Variants in FLG observed in about 807,000 individuals in gnomAD.
FLG encodes the protein filaggrin, also known as epidermal filaggrin.
Under a neutral mutation model 3.8 loss-of-function variants are expected in FLG, and 6 were observed. That is an observed-to-expected ratio of 1.60 (90% CI 0.87 to 3.15). The LOEUF is 3.15. FLG is among the 30% of genes most tolerant of loss of function. The pLI is 0.00. For synonymous variants in FLG, 2,551 were observed against 1,931.6 expected (o/e 1.32, Z -8.41); for missense variants, 7,595 against 5,050.9 (o/e 1.50, Z -15.27).
chr1:152,304,393 C>T lies in FLG; in HGVS notation c.10493G>A (p.Gly3498Asp). 1 of 1,611,840 alleles carries T rather than the reference C, an allele frequency of 6.2e-7. No homozygotes were observed. The highest frequency in any genetic ancestry group is 1.1e-5 in the South Asian group (1 of 90,506). The change falls in exon 3 of 3, where the codon GGC becomes GAC. Residue 3498 changes from glycine to aspartate, a missense_variant. By Grantham distance (94) the Gly-to-Asp change is moderately conservative. Coordinates refer to ENST00000368799, the MANE Select transcript of FLG (RefSeq NM_002016.2). ...QTRNDEQSGD[G>D]SRHSWSHHHE... ...GTGATGCGACCATGAGTGCCTGGAGCCATCTCCTGATTGTTCGTCATTACG... is the reference window on the plus strand; with the variant it reads ...GTGATGCGACCATGAGTGCCTGGAGTCATCTCCTGATTGTTCGTCATTACG...
chr1:152,321,791 A>G (rs1448025651), intron 1 of FLG, among the ~76,000 whole-genome samples: 1 of 151,256 alleles, frequency 6.6e-6, no homozygotes, highest in Non-Finnish European at 1.5e-5. Flanking sequence ...GAAAAACAGG[A>G]AACACCCATT....
At position 152,310,970 on chromosome 1, in the gene FLG, A is replaced by G. The variant is rs760718534; in HGVS notation, c.3916T>C (p.Ser1306Pro). 3 of 1,613,410 alleles carry G rather than the reference A, an allele frequency of 1.9e-6. No individual in the cohort carries two copies. Among genetic ancestry groups the G allele is most frequent in the Non-Finnish European group, 2.5e-6 (3 of 1,179,904 alleles). The change falls in exon 3 of 3, where the codon TCC (serine) becomes CCC (proline). Residue 1306 changes from serine to proline, a missense_variant. Physicochemically the swap from Ser to Pro is moderately conservative, Grantham distance 74 (BLOSUM62 -1). Coordinates refer to ENST00000368799, the MANE Select transcript of FLG (RefSeq NM_002016.2). The stretch of plus-strand genomic sequence containing the variant: ...TCTTGATGGAACCCAGGGTGTCTGG[A>G]GCCATCTCTTGACTGCTCCCGAGAA... Reference protein sequence around the residue: ...GSSREQSRDGSRHPGFHQEDR... With the variant: ...GSSREQSRDGPRHPGFHQEDR...
intron 1 of FLG, among the ~76,000 whole-genome samples, chr1:152,322,498 T>C (rs1653013056): frequency 6.6e-6 from 1 of 151,050 alleles, no homozygotes. Flanking sequence ...TAAGAAAAGA[T>C]GCTATTTACA....
At chr1:152,323,041 T>G (rs1265725077) in intron 1 of FLG, among the ~76,000 whole-genome samples, 1 of 151,530 alleles carries the variant, frequency 6.6e-6, no homozygotes, top group South Asian at 2.1e-4. Flanking sequence ...GATAATAGTA[T>G]AAAGTCAGTC....
At position 152,311,994 on chromosome 1, in the gene FLG, C is replaced by A. The variant is rs181646224; in HGVS notation, c.2892G>T (p.Gly964=). Reference sequence around the variant, plus strand: ...ATCCACGATGGTTTCTGGAAGCAGACCCAGACCACCTCTCAGAGTCTTCTG... The same window carrying A: ...ATCCACGATGGTTTCTGGAAGCAGAACCAGACCACCTCTCAGAGTCTTCTG... The part of the protein sequence containing the change: ...GHSEDSERWS[G]SASRNHRGSA... Residue 964 remains glycine, a synonymous_variant, in exon 3 of 3, where the codon GGG becomes GGT. Transcript: ENST00000368799. The A allele has an allele frequency of 6.9e-5, 112 of 1,614,074 alleles. No individual in the cohort carries two copies. The highest frequency in any genetic ancestry group is 9.0e-5 in the Non-Finnish European group (106 of 1,180,008).
Position 152,307,559 on chromosome 1 carries a change from G to C in FLG, c.7327C>G (p.His2443Asp). Residue 2443 changes from histidine (H) to aspartate (D), a missense_variant, in exon 3 of 3, where the codon CAC (histidine) becomes GAC (aspartate). Transcript: ENST00000368799. ...CTGGAGCTGTCTCGTGCCTGCTTGT[G>C]GTGGGATCCTTGTCTTCCTCCAGTG... ...TSTGGRQGSH[H>D]KQARDSSRHS... is the part of the protein sequence containing the mutation. The C allele has an allele frequency of 1.2e-6, 2 of 1,613,726 alleles. No homozygotes were observed. Among genetic ancestry groups the C allele is most frequent in the South Asian group, 2.2e-5 (2 of 91,056 alleles).
Position 152,313,447 on chromosome 1 carries a change from G to A in FLG, c.1439C>T (p.Ser480Phe), listed in dbSNP as rs761832293. The A allele has an allele frequency of 1.2e-6, 2 of 1,613,882 alleles. No homozygotes were observed. The highest frequency in any genetic ancestry group is 1.3e-5 in the African/African-American group (1 of 74,952). The stretch of plus-strand genomic sequence containing the variant: ...GCTGGTCCCGGTCCGTCCATGGGCA[G>A]AGTCAGGCTGTTCATGAGTGCTCAC... ...YQVSTHEQPD[S>F]AHGRTGTSTG... The change falls in exon 3 of 3, where the codon TCT becomes TTT. Residue 480 changes from serine (S) to phenylalanine (F), a missense_variant. Transcript: ENST00000368799.
Position 152,308,649 on chromosome 1 carries a change from C to G in FLG, c.6237G>C (p.Gln2079His), listed in dbSNP as rs751279387. Reference sequence around the variant, plus strand: ...CTGAACGTCCAGAGCTTTCCCCTGACTGGCCACGTGCGGACTCTTTGTGGC... The same window carrying G: ...CTGAACGTCCAGAGCTTTCCCCTGAGTGGCCACGTGCGGACTCTTTGTGGC... ...QQSHKESARG[Q>H]SGESSGRSGS... Residue 2079 changes from glutamine (Q) to histidine (H), a missense_variant, in exon 3 of 3, where the codon CAG (glutamine) becomes CAC (histidine). Coordinates refer to ENST00000368799, the MANE Select transcript of FLG (RefSeq NM_002016.2). 2 of 1,614,070 alleles carry G rather than the reference C, an allele frequency of 1.2e-6. No homozygotes were observed. The highest frequency in any genetic ancestry group is 2.2e-5 in the East Asian group (1 of 44,892).
Position 152,311,180 on chromosome 1 carries a change from G to T in FLG, c.3706C>A (p.Arg1236Ser). The stretch of plus-strand genomic sequence containing the variant: ...GCCCAAGAGGCAGCTTCATGGTGAC[G>T]TGACCCTGAGTGCCTGGAGCCGTCT... ...SGDGSRHSGS[R>S]HHEAASWADS... is the part of the protein sequence containing the mutation. The change falls in exon 3 of 3, where the codon CGT (arginine) becomes AGT (serine). Residue 1236 changes from arginine to serine, a missense_variant. Coordinates refer to ENST00000368799, the MANE Select transcript of FLG (RefSeq NM_002016.2). 1 of 1,613,750 alleles carries T rather than the reference G, an allele frequency of 6.2e-7. No individual in the cohort carries two copies. The highest frequency in any genetic ancestry group is 8.5e-7 in the Non-Finnish European group (1 of 1,179,958).
chr1:152,304,919 C>G lies in FLG; in HGVS notation c.9967G>C (p.Ala3323Pro). The G allele has an allele frequency of 6.2e-7, 1 of 1,613,804 alleles. No homozygotes were observed. The highest frequency in any genetic ancestry group is 8.5e-7 in the Non-Finnish European group (1 of 1,179,970). ...SRHSGIPRGQASSAVRDSRHW... is the reference protein window; with the variant it reads ...SRHSGIPRGQPSSAVRDSRHW... The stretch of plus-strand genomic sequence containing the variant: ...CTACTGTCTCTGACTGCAGATGAAG[C>G]TTGTCCACGCGGAATGCCTGAGTGT... Residue 3323 changes from alanine to proline, a missense_variant, in exon 3 of 3, where the codon GCT (alanine) becomes CCT (proline). Physicochemically the swap from Ala to Pro is conservative, Grantham distance 27 (BLOSUM62 -1). Coordinates refer to ENST00000368799, the MANE Select transcript of FLG (RefSeq NM_002016.2).
In FLG at chr1:152,313,428, C is replaced by T. The variant is rs377355007; in HGVS notation, c.1458G>A (p.Gly486=). 6.2e-7 allele frequency: 1 copy of T among 1,613,770 alleles called. No homozygotes were observed. ...ATCCTTGTCTTCCTCCAGTGCTGGT[C>T]CCGGTCCGTCCATGGGCAGAGTCAG... ...EQPDSAHGRT[G]TSTGGRQGSH... is the part of the protein sequence containing the mutation. Residue 486 remains glycine (G), a synonymous_variant, in exon 3 of 3, where the codon GGG becomes GGA. Transcript: ENST00000368799.
At position 152,310,535 on chromosome 1, in the gene FLG, A is replaced by T; in HGVS notation, c.4351T>A (p.Ser1451Thr). The change falls in exon 3 of 3, where the codon TCT (serine) becomes ACT (threonine). Residue 1451 changes from serine to threonine, a missense_variant. Coordinates refer to ENST00000368799, the MANE Select transcript of FLG (RefSeq NM_002016.2). ...FLYQVSSHEQ[S>T]ESTHGQTAPS... ...GCAGTCTGTCCGTGTGTGGACTCAG[A>T]CTGTTCATGAGAGCTCACCTGGTAG... The T allele has an allele frequency of 6.2e-7, 1 of 1,613,376 alleles. No homozygotes were observed. Among genetic ancestry groups the T allele is most frequent in the South Asian group, 1.1e-5 (1 of 91,034 alleles).
Position 152,303,537 on chromosome 1 carries a change from G to A in FLG, c.11349C>T (p.His3783=). ...YHEQSVDRSG[H]SGSHHSHTTS... is the part of the protein sequence containing the mutation. ...TGGTGTGGCTGTGATGGGACCCTGA[G>A]TGTCCAGACCTATCTACCGATTGCT... The change falls in exon 3 of 3, where the codon CAC becomes CAT. Residue 3783 remains histidine, a synonymous_variant. Coordinates refer to ENST00000368799, the MANE Select transcript of FLG (RefSeq NM_002016.2). 1.2e-6 allele frequency: 2 copies of A among 1,614,116 alleles called. No individual in the cohort carries two copies. The highest frequency in any genetic ancestry group is 1.7e-6 in the Non-Finnish European group (2 of 1,180,046).
intron 1 of FLG, among the ~76,000 whole-genome samples, chr1:152,324,711 G>A (rs899126152): frequency 2.0e-5 from 3 of 151,612 alleles, no homozygotes; most frequent in African/African-American, 7.3e-5. Context: ...TTTTATGTGT[G>A]GCCCAAGACA....
rs370607266 is a variant in FLG, at chr1:152,313,496, G to T, written c.1390C>A (p.Arg464Ser). ...ACCTGGTAGAGGGAAGACCCTGAAC[G>T]TCCAGACCGTTCCCCTGACCGGCCA... ...TRGRSGERSGRSGSSLYQVST... is the reference protein window; with the variant it reads ...TRGRSGERSGSSGSSLYQVST... Residue 464 changes from arginine to serine, a missense_variant, in exon 3 of 3, where the codon CGT (arginine) becomes AGT (serine). By Grantham distance (110) the Arg-to-Ser change is moderately radical. Transcript: ENST00000368799. 9 of 1,613,738 alleles carry T rather than the reference G, an allele frequency of 5.6e-6. No individual in the cohort carries two copies. The highest frequency in any genetic ancestry group is 1.1e-5 in the South Asian group (1 of 91,042).
rs748391584 is a variant in FLG, at chr1:152,310,634, G to A, written c.4252C>T (p.Pro1418Ser). 2.5e-6 allele frequency: 4 copies of A among 1,613,836 alleles called. No individual in the cohort carries two copies. Among genetic ancestry groups the A allele is most frequent in the Admixed American group, 1.7e-5 (1 of 59,982 alleles). ...GACTCTTTGTGGCTCTGCTGATGGG[G>A]CCCAGCTTGTCCGTGGGCTGACACT... Reference protein sequence around the residue: ...QSVSAHGQAGPHQQSHKESAR... With the variant: ...QSVSAHGQAGSHQQSHKESAR... The change falls in exon 3 of 3, where the codon CCC becomes TCC. Residue 1418 changes from proline to serine, a missense_variant. Physicochemically the swap from Pro to Ser is moderately conservative, Grantham distance 74. Transcript: ENST00000368799.
At position 152,314,696 on chromosome 1, in the gene FLG, C is replaced by G. The variant is rs773267945; in HGVS notation, c.190G>C (p.Asp64His). 1.9e-6 allele frequency: 3 copies of G among 1,613,832 alleles called. No homozygotes were observed. Among genetic ancestry groups the G allele is most frequent in the East Asian group, 4.5e-5 (2 of 44,870 alleles). The change falls in exon 3 of 3, where the codon GAC becomes CAC. Residue 64 changes from aspartate to histidine, a missense_variant. By Grantham distance (81) the Asp-to-His change is moderately conservative. Transcript: ENST00000368799. ...GTGAAGTCAATTTTCTTGTTGTGGT[C>G]TATATCCAAGTGATCCATGAAGACA... ...VDVFMDHLDI[D>H]HNKKIDFTEF...
chr1:152,310,323 G>A lies in FLG; in HGVS notation c.4563C>T (p.His1521=), dbSNP rs1388629751. The change falls in exon 3 of 3, where the codon CAC becomes CAT. Residue 1521 remains histidine, a synonymous_variant. Coordinates refer to ENST00000368799, the MANE Select transcript of FLG (RefSeq NM_002016.2). ...RSGHSGYHHS[H]TTPQGRSDAS... ...CATCAGACCTTCCCTGGGGTGTGGTGTGGCTGTGATGGTACCCTGAGTGTC... is the reference window on the plus strand; with the variant it reads ...CATCAGACCTTCCCTGGGGTGTGGTATGGCTGTGATGGTACCCTGAGTGTC... 4 of 1,613,828 alleles carry A rather than the reference G, an allele frequency of 2.5e-6. No homozygotes were observed. The highest frequency in any genetic ancestry group is 3.3e-5 in the Admixed American group (2 of 59,976).
Position 152,306,915 on chromosome 1 carries a change from G to T in FLG, c.7971C>A (p.His2657Gln). 2.2e-6 allele frequency: 3 copies of T among 1,383,268 alleles called. No homozygotes were observed. Among genetic ancestry groups the T allele is most frequent in the Non-Finnish European group, 3.0e-6 (3 of 1,004,674 alleles). 85.7% of individuals were successfully genotyped at this position (1,383,268 alleles called of 1,614,324 possible). The change falls in exon 3 of 3, where the codon CAC becomes CAA. Residue 2657 changes from histidine (H) to glutamine (Q), a missense_variant. By Grantham distance (24) the His-to-Gln change is conservative (BLOSUM62 0). Transcript: ENST00000368799. ...RSSAGERHGS[H>Q]HQQSADSSRH... ...TGGAGCTGTCTGCTGACTGCTGGTG[G>T]TGGGATCCATGTCTTTCTCCTGCAC...
Sources: gnomAD v4.1 joint callset for allele counts (sites outside exome capture counted in the v4.1 genomes callset) on GRCh38, gnomAD v4.1.1 for gene constraint, MANE v1.5 for transcripts, NCBI Gene and HGNC (gene_info 2026-07-23, HGNC 2026-07-21) for gene names.